Variants in SRBD1 observed in about 807,000 individuals in gnomAD.
The protein encoded by SRBD1 is S1 RNA-binding domain-containing protein 1.
SRBD1 carries 88 observed loss-of-function variants against 115.3 expected under a neutral mutation model. That is an observed-to-expected ratio of 0.76 (90% CI 0.64 to 0.91). The LOEUF is 0.91. Among genes scored for constraint, SRBD1 ranks in the 40% least tolerant of loss-of-function variants. The pLI is 0.00. For synonymous variants in SRBD1, 509 were observed against 407.7 expected, an observed-to-expected ratio of 1.25 and a Z score of -2.99; for missense variants, 1,385 against 1,177.4, an observed-to-expected ratio of 1.18 and a Z score of -2.58.
intron 5 of SRBD1, among the ~76,000 whole-genome samples, chr2:45,583,767 A>G (rs1029222236): frequency 7.2e-5 from 11 of 152,146 alleles, no homozygotes; most frequent in Admixed American, 3.3e-4. Context: ...ACCAGAAAGA[A>G]ATTTCTGTAT....
intron 4 of SRBD1, among the ~76,000 whole-genome samples, chr2:45,597,710 G>C (rs1413878056): frequency 6.6e-6 from 1 of 152,066 alleles, no homozygotes; most frequent in Admixed American, 6.5e-5. Flanking sequence ...TGTCCCTTTT[G>C]TTCTTTGAAA....
intron 16 of SRBD1, among the ~76,000 whole-genome samples, chr2:45,428,215 T>C (rs1017461317): frequency 2.6e-5 from 4 of 152,126 alleles, no homozygotes; most frequent in Non-Finnish European, 4.4e-5. Flanking sequence ...ACCACACAAC[T>C]ACATGGAAAC....
At chr2:45,529,349 GA>G (rs970229556) in intron 14 of SRBD1, among the ~76,000 whole-genome samples, 1 of 151,720 alleles carries the variant, frequency 6.6e-6, no homozygotes, top group African/African-American at 2.4e-5. Context: ...ATGAAGAGTA[GA>G]AACAAATCAA....
intron 3 of SRBD1, 128 bp downstream of exon 3, chr2:45,601,775 G>A (rs1674098592): frequency 1.6e-6 from 2 of 1,240,314 alleles, no homozygotes; most frequent in East Asian, 2.4e-5. Context: ...TTAAGACCCA[G>A]GGTAGGGGAT....
intron 16 of SRBD1, among the ~76,000 whole-genome samples, chr2:45,460,176 G>T (rs1466894868): frequency 6.6e-6 from 1 of 152,136 alleles, no homozygotes; most frequent in African/African-American, 2.4e-5. Flanking sequence ...TCATCTAGCT[G>T]ACTGGGCTGG....
chr2:45,429,035 T>G (rs1379017585), intron 16 of SRBD1, among the ~76,000 whole-genome samples: 2 of 152,012 alleles, frequency 1.3e-5, no homozygotes, highest in Non-Finnish European at 2.9e-5. Context: ...GCAAATAAAC[T>G]AGAAAATCCA....
In SRBD1 at chr2:45,488,104, T is replaced by C. The variant is rs1670174506; in HGVS notation, c.1966+136A>G. 7.1e-6 allele frequency: 5 copies of C among 702,060 alleles called. No homozygotes were observed. The East Asian group carries it at 1.4e-4, about 19-fold the overall frequency. 43.5% of individuals were successfully genotyped at this position (702,060 alleles called of 1,614,324 possible). A position where few individuals can be genotyped will look rare whatever the true frequency, so the allele number is the denominator to read the frequency against. Reference sequence around the variant, plus strand: ...CAATTATTAGTCCAATTAACCACTTTCTTTCTAATATGCCAATTCTTATGC... The same window carrying C: ...CAATTATTAGTCCAATTAACCACTTCCTTTCTAATATGCCAATTCTTATGC... On this transcript the variant is annotated intron_variant, in intron 15 of 20. Coordinates refer to ENST00000263736, the MANE Select transcript of SRBD1 (RefSeq NM_018079.5).
At chr2:45,563,112 T>C (rs1359014650) in intron 9 of SRBD1, among the ~76,000 whole-genome samples, 1 of 152,164 alleles carries the variant, frequency 6.6e-6, no homozygotes, top group Admixed American at 6.5e-5. Context: ...CTAAGATAAA[T>C]ACAAACATGT....
At chr2:45,414,718 A>ATACACACACAGTGTGTATATAGTATG (rs1558563285) in intron 18 of SRBD1, among the ~76,000 whole-genome samples, 6,309 of 105,836 alleles carry the variant, frequency 0.06, 957 homozygotes, top group Non-Finnish European at 0.091. Flanking sequence ...TAGTATGTAT[A>ATACACACACAGTGTGTATATAGTATG]TACACACACA....
intron 2 of SRBD1, among the ~76,000 whole-genome samples, chr2:45,604,245 A>G (rs1240794886): frequency 6.6e-6 from 1 of 151,716 alleles, no homozygotes; most frequent in African/African-American, 2.4e-5. Flanking sequence ...CCAACCCAAA[A>G]CCTTCCAGTG....
chr2:45,514,666 G>A (rs1671068623), intron 14 of SRBD1, among the ~76,000 whole-genome samples: 1 of 152,072 alleles, frequency 6.6e-6, no homozygotes, highest in Non-Finnish European at 1.5e-5. Flanking sequence ...GATGGCGGCG[G>A]GGAGGGTACT....
Position 45,488,167 on chromosome 2 carries a change from A to G in SRBD1, c.1966+73T>C, listed in dbSNP as rs1420606964. 3.1e-6 allele frequency: 4 copies of G among 1,285,638 alleles called. No individual in the cohort carries two copies. In the African/African-American group the frequency reaches 5.9e-5, roughly 19 times the overall value. 79.6% of individuals were successfully genotyped at this position (1,285,638 alleles called of 1,614,324 possible). A position where few individuals can be genotyped will look rare whatever the true frequency, so the allele number is the denominator to read the frequency against. ...TTTTAAATTTTCTTTGATATTTAGA[A>G]TATTTAGCATGCCACACATGCTGCC... On this transcript the variant is annotated intron_variant, in intron 15 of 20. Transcript: ENST00000263736.
At chr2:45,456,388 T>C (rs1669153386) in intron 16 of SRBD1, among the ~76,000 whole-genome samples, 1 of 151,930 alleles carries the variant, frequency 6.6e-6, no homozygotes, top group Admixed American at 6.6e-5. Context: ...GCAAGTAAGT[T>C]AACCCTTTTG....
chr2:45,506,203 G>C (rs528615717), intron 14 of SRBD1, among the ~76,000 whole-genome samples: 93 of 152,224 alleles, frequency 6.1e-4, no homozygotes, highest in South Asian at 1.5e-3. Flanking sequence ...CAGATGAGCA[G>C]TATATGATTA....
intron 14 of SRBD1, among the ~76,000 whole-genome samples, chr2:45,539,288 C>A (rs1305029993): frequency 1.3e-5 from 2 of 151,880 alleles, no homozygotes; most frequent in African/African-American, 2.4e-5. Flanking sequence ...CTGAAGCTGA[C>A]TTTCAGCTGA....
chr2:45,499,317 G>C (rs1558436242), intron 14 of SRBD1, among the ~76,000 whole-genome samples: 1 of 152,048 alleles, frequency 6.6e-6, no homozygotes, highest in Non-Finnish European at 1.5e-5. Flanking sequence ...GTTTGTACAG[G>C]TCTTTTGACT....
At chr2:45,495,676 T>C (rs565237643) in intron 14 of SRBD1, among the ~76,000 whole-genome samples, 1 of 152,244 alleles carries the variant, frequency 6.6e-6, no homozygotes, top group African/African-American at 2.4e-5. Flanking sequence ...GGCATTCGAC[T>C]AGGCAAGAGG....
intron 14 of SRBD1, among the ~76,000 whole-genome samples, chr2:45,489,846 A>T (rs1305175403): frequency 6.7e-6 from 1 of 150,128 alleles, no homozygotes; most frequent in East Asian, 1.9e-4. Flanking sequence ...AACTCTCAAT[A>T]AAATGAGAAC....
chr2:45,609,922 A>C (rs888721516), intron 1 of SRBD1, among the ~76,000 whole-genome samples: 1 of 152,204 alleles, frequency 6.6e-6, no homozygotes, highest in African/African-American at 2.4e-5. Context: ...CATATCATAG[A>C]ACCTAGCACT....
Sources: gnomAD v4.1 joint callset for allele counts (sites outside exome capture counted in the v4.1 genomes callset) on GRCh38, gnomAD v4.1.1 for gene constraint, MANE v1.5 for transcripts, NCBI Gene and HGNC (gene_info 2026-07-23, HGNC 2026-07-21) for gene names.